The following CACNA1C variants were observed in gnomAD, a reference collection of about 807,000 sequenced individuals.
The protein encoded by CACNA1C is calcium voltage-gated channel subunit alpha1 C.
In CACNA1C, 30 loss-of-function variants were observed where a neutral mutation model predicts 229.0. The observed-to-expected ratio is 0.13, with a 90% confidence interval of 0.10 to 0.18. CACNA1C has a LOEUF of 0.18. Among genes scored for constraint, CACNA1C ranks in the 10% least tolerant of loss-of-function variants. The pLI, the probability that CACNA1C is intolerant of heterozygous loss-of-function variation, is 1.00. For synonymous variants in CACNA1C, 1,114 were observed against 1,132.5 expected (o/e 0.98, Z 0.33); for missense variants, 1,658 against 2,845.0 (o/e 0.58, Z 9.49).
intron 3 of CACNA1C, among the ~76,000 whole-genome samples, chr12:2,142,913 G>A (rs908702807): frequency 6.6e-6 from 1 of 151,284 alleles, no homozygotes; most frequent in Non-Finnish European, 1.5e-5. Context: ...TAAAAGGTTT[G>A]TAAAGTAGAA....
chr12:2,175,027 TGTAAGTG>T (rs1377457671), intron 3 of CACNA1C, among the ~76,000 whole-genome samples: 2 of 149,432 alleles, frequency 1.3e-5, no homozygotes, highest in Non-Finnish European at 3.0e-5. Flanking sequence ...AAAATCCACA[TGTAAGTG>T]ACCCACGCTG....
chr12:2,065,311 A>G (rs1165240938), intron 1 of CACNA1C, among the ~76,000 whole-genome samples: 1 of 152,234 alleles, frequency 6.6e-6, no homozygotes, highest in Middle Eastern at 3.2e-3. Flanking sequence ...TGTCTGAAAG[A>G]CCAGGAGATA....
intron 19 of CACNA1C, among the ~76,000 whole-genome samples, chr12:2,594,272 A>G (rs1216079439): frequency 6.6e-6 from 1 of 152,240 alleles, no homozygotes; most frequent in Non-Finnish European, 1.5e-5. Flanking sequence ...CATAATGTTT[A>G]AATATTGCTT....
chr12:2,641,945 A>T (rs2093751956), intron 30 of CACNA1C, among the ~76,000 whole-genome samples: 1 of 152,072 alleles, frequency 6.6e-6, no homozygotes, highest in South Asian at 2.1e-4. Flanking sequence ...CCCTGGGAGG[A>T]GGCCGAATGC....
intron 30 of CACNA1C, among the ~76,000 whole-genome samples, chr12:2,637,242 C>T (rs2092867002): frequency 6.6e-6 from 1 of 152,176 alleles, no homozygotes; most frequent in Admixed American, 6.5e-5. Context: ...TGTTTTGAAG[C>T]TCAAATAAGA....
At chr12:2,634,839 C>A (rs1024849374) in intron 30 of CACNA1C, among the ~76,000 whole-genome samples, 1 of 152,172 alleles carries the variant, frequency 6.6e-6, no homozygotes, top group African/African-American at 2.4e-5. Context: ...GAAGGGAGCT[C>A]TCTCAAAGTG....
chr12:2,099,332 C>T (rs1422192663), intron 1 of CACNA1C, among the ~76,000 whole-genome samples: 1 of 152,214 alleles, frequency 6.6e-6, no homozygotes, highest in Non-Finnish European at 1.5e-5. Flanking sequence ...CCCAGGAGTG[C>T]AAGTGGCCCT....
At chr12:2,265,281 G>A (rs905234399) in intron 3 of CACNA1C, among the ~76,000 whole-genome samples, 1 of 152,194 alleles carries the variant, frequency 6.6e-6, no homozygotes, top group Non-Finnish European at 1.5e-5. Context: ...CTCCTCAACT[G>A]TAGTTGTGAA....
chr12:2,481,593 A>T (rs2099675894), intron 5 of CACNA1C, among the ~76,000 whole-genome samples: 1 of 152,204 alleles, frequency 6.6e-6, no homozygotes, highest in Non-Finnish European at 1.5e-5. Flanking sequence ...GTACCTTGAG[A>T]GTCTTTCCAC....
intron 18 of CACNA1C, 49 bp from the exon 19 acceptor site, chr12:2,593,164 A>G (rs1445031889): frequency 1.3e-6 from 2 of 1,590,406 alleles, no homozygotes; most frequent in Non-Finnish European, 1.7e-6. Flanking sequence ...AAGTGGTAAA[A>G]TAAGTGGGAG....
At chr12:2,173,580 T>A (rs1189406440) in intron 3 of CACNA1C, among the ~76,000 whole-genome samples, 1 of 152,176 alleles carries the variant, frequency 6.6e-6, no homozygotes, top group African/African-American at 2.4e-5. Flanking sequence ...ATGCATGCTC[T>A]ATGTGCAGTG....
intron 11 of CACNA1C, among the ~76,000 whole-genome samples, chr12:2,562,224 G>A (rs989657295): frequency 1.3e-5 from 2 of 152,064 alleles, no homozygotes; most frequent in Non-Finnish European, 2.9e-5. Flanking sequence ...TGACCACACA[G>A]CACCCATATC....
At chr12:2,407,095 G>A (rs2098746128) in intron 3 of CACNA1C, among the ~76,000 whole-genome samples, 2 of 152,244 alleles carry the variant, frequency 1.3e-5, no homozygotes, top group Admixed American at 6.5e-5. Context: ...AGGCAGAGGG[G>A]AGCCTCGTTA....
chr12:2,016,256 C>T lies in CACNA1C; in HGVS notation c.139+45055C>T, dbSNP rs376859275. On this transcript the variant is annotated intron_variant, in intron 1 of 46. Transcript: ENST00000682462. ...TAGGTGCCAAGTACTTATCAGGTCC[C>T]GAGTACTGTCAAACAACAGTACTCA... 2.5e-4 allele frequency among the ~76,000 whole-genome samples: 38 copies of T among 151,980 alleles called. No homozygotes were observed. In the East Asian group the frequency reaches 2.5e-3, roughly 10 times the overall value.
intron 7 of CACNA1C, among the ~76,000 whole-genome samples, chr12:2,501,219 A>AAAAAAAAAAAAAAAAC (rs2099759303): frequency 6.7e-6 from 1 of 150,306 alleles, no homozygotes; most frequent in Non-Finnish European, 1.5e-5. Context: ...CAAAAAAAAA[A>AAAAAAAAAAAAAAAAC]AAAAAAAAAA....
chr12:2,671,052 G>A (rs2096544348), intron 38 of CACNA1C, among the ~76,000 whole-genome samples: 1 of 149,126 alleles, frequency 6.7e-6, no homozygotes, highest in Non-Finnish European at 1.5e-5. Context: ...ATCTCGCTCT[G>A]TCGCCAGGCT....
intron 1 of CACNA1C, among the ~76,000 whole-genome samples, chr12:2,047,169 G>A (rs948941142): frequency 2.6e-5 from 4 of 152,188 alleles, no homozygotes; most frequent in Admixed American, 1.3e-4. Flanking sequence ...GCAATCTTCC[G>A]CAAGAAAGTT....
chr12:2,100,935 G>A (rs78006823), intron 1 of CACNA1C, among the ~76,000 whole-genome samples: 2,015 of 150,246 alleles, frequency 0.013, 21 homozygotes, highest in Non-Finnish European at 0.022. Flanking sequence ...TGGGGGAGTC[G>A]TGGCTGCAGT....
At chr12:2,060,540 C>T (rs536299946) in intron 1 of CACNA1C, among the ~76,000 whole-genome samples, 1 of 152,324 alleles carries the variant, frequency 6.6e-6, no homozygotes, top group South Asian at 2.1e-4. Context: ...TTGTTTCATA[C>T]TCTTTCAAGT....
Sources: allele counts gnomAD v4.1 joint callset (sites outside exome capture counted in the v4.1 genomes callset), GRCh38; gene constraint gnomAD v4.1.1; transcripts MANE v1.5; gene names NCBI Gene and HGNC (gene_info 2026-07-23, HGNC 2026-07-21).